MCPH1: variants seen among roughly 807,000 people sequenced by gnomAD.
The protein encoded by MCPH1 is microcephalin 1.
A neutral mutation model predicts 84.5 loss-of-function variants in MCPH1; 104 were observed. The ratio of observed to expected loss-of-function variants is 1.23; its 90% CI spans 1.05 to 1.45. The LOEUF (loss-of-function observed/expected upper bound fraction) is 1.45. Among genes scored for constraint, MCPH1 ranks in the 40% most tolerant of loss-of-function variants. The pLI, the probability that MCPH1 is intolerant of heterozygous loss-of-function variation, is 0.00. For missense variants in MCPH1, 1,498 were observed against 1,005.7 expected, an observed-to-expected ratio of 1.49 and a Z score of -6.62; for synonymous variants, 514 against 366.8, an observed-to-expected ratio of 1.40 and a Z score of -4.58.
At chr8:6,560,607 T>G (rs922185624) in intron 12 of MCPH1, among the ~76,000 whole-genome samples, 2 of 152,176 alleles carry the variant, frequency 1.3e-5, no homozygotes, top group Non-Finnish European at 2.9e-5. Flanking sequence ...AGATAAACAT[T>G]AAGTCATTCT....
At chr8:6,520,189 A>G (rs1452452201) in intron 12 of MCPH1, among the ~76,000 whole-genome samples, 4 of 152,168 alleles carry the variant, frequency 2.6e-5, no homozygotes, top group African/African-American at 7.2e-5. Context: ...ATTAATACTT[A>G]CTTTTTGGTC....
intron 5 of MCPH1, among the ~76,000 whole-genome samples, chr8:6,438,243 A>G (rs1392206383): frequency 6.6e-6 from 1 of 152,250 alleles, no homozygotes; most frequent in East Asian, 1.9e-4. Context: ...ATCGTAATTA[A>G]AAACTATATG....
intron 12 of MCPH1, among the ~76,000 whole-genome samples, chr8:6,530,933 G>A (rs544230348): frequency 6.6e-6 from 1 of 152,276 alleles, no homozygotes; most frequent in Admixed American, 6.5e-5. Flanking sequence ...AGCATTTCTT[G>A]ATCCTTTTTG....
At chr8:6,483,802 A>T (rs1244967618) in intron 11 of MCPH1, among the ~76,000 whole-genome samples, 1 of 152,132 alleles carries the variant, frequency 6.6e-6, no homozygotes, top group African/African-American at 2.4e-5. Context: ...GGAGGTTGCA[A>T]AGAGCCAATA....
chr8:6,632,425 GA>G (rs565710529), intron 13 of MCPH1, among the ~76,000 whole-genome samples: 3 of 150,500 alleles, frequency 2.0e-5, no homozygotes, highest in African/African-American at 2.4e-5. Flanking sequence ...AGTTTTACAG[GA>G]AAAAAAAAGA....
At chr8:6,524,433 G>A (rs979641662) in intron 12 of MCPH1, among the ~76,000 whole-genome samples, 1 of 152,094 alleles carries the variant, frequency 6.6e-6, no homozygotes, top group Non-Finnish European at 1.5e-5. Context: ...ACCTTGAACC[G>A]GCCATTTAAC....
At chr8:6,550,677 C>CT (rs1260178515) in intron 12 of MCPH1, among the ~76,000 whole-genome samples, 1 of 152,182 alleles carries the variant, frequency 6.6e-6, no homozygotes, top group African/African-American at 2.4e-5. Context: ...ATATTGAAAT[C>CT]TTTTTAAAAT....
intron 3 of MCPH1, among the ~76,000 whole-genome samples, chr8:6,424,843 G>T (rs891652111): frequency 6.6e-6 from 1 of 152,188 alleles, no homozygotes; most frequent in Admixed American, 6.5e-5. Flanking sequence ...GTTCTTCCTT[G>T]TGTGTCAGGG....
intron 12 of MCPH1, among the ~76,000 whole-genome samples, chr8:6,608,282 G>A (rs189657810): frequency 7.2e-5 from 11 of 152,358 alleles, no homozygotes; most frequent in African/African-American, 2.6e-4. Context: ...GTGTTGAGGT[G>A]TTCACAGGTG....
At chr8:6,531,977 T>A (rs1819604493) in intron 12 of MCPH1, among the ~76,000 whole-genome samples, 1 of 152,150 alleles carries the variant, frequency 6.6e-6, no homozygotes, top group Admixed American at 6.5e-5. Flanking sequence ...TTCTCAAATG[T>A]TCAAAGACTT....
intron 11 of MCPH1, among the ~76,000 whole-genome samples, chr8:6,483,813 C>T (rs1457980136): frequency 6.6e-6 from 1 of 152,002 alleles, no homozygotes; most frequent in East Asian, 1.9e-4. Flanking sequence ...AGAGCCAATA[C>T]CATGCCACTG....
intron 12 of MCPH1, among the ~76,000 whole-genome samples, chr8:6,529,769 C>T (rs1442344168): frequency 4.6e-5 from 7 of 151,740 alleles, no homozygotes; most frequent in African/African-American, 1.7e-4. Context: ...TCAGCTGGCT[C>T]AGCCATTTTC....
intron 12 of MCPH1, among the ~76,000 whole-genome samples, chr8:6,537,412 G>A (rs1820703353): frequency 6.6e-6 from 1 of 152,066 alleles, no homozygotes; most frequent in South Asian, 2.1e-4. Flanking sequence ...GAGGGCCACA[G>A]TGATCCTTCT....
intron 12 of MCPH1, among the ~76,000 whole-genome samples, chr8:6,512,920 C>T (rs1169866831): frequency 6.6e-6 from 1 of 152,174 alleles, no homozygotes; most frequent in Non-Finnish European, 1.5e-5. Context: ...AACTTGACAA[C>T]TAATCTTGAC....
intron 11 of MCPH1, among the ~76,000 whole-genome samples, chr8:6,498,214 C>G (rs1378513154): frequency 6.6e-6 from 1 of 152,206 alleles, no homozygotes; most frequent in African/African-American, 2.4e-5. Context: ...GCTGAATTCA[C>G]TCTGCCCTTC....
At chr8:6,530,656 A>G (rs1351764694) in intron 12 of MCPH1, among the ~76,000 whole-genome samples, 1 of 151,996 alleles carries the variant, frequency 6.6e-6, no homozygotes, top group Non-Finnish European at 1.5e-5. Context: ...TTAGTACCTT[A>G]TGATCCGTTA....
At position 6,587,509 on chromosome 8, in the gene MCPH1, G is replaced by A. The variant is rs537145802; in HGVS notation, c.2215-33945G>A. On this transcript the variant is annotated intron_variant, in intron 12 of 13. Coordinates refer to ENST00000344683, the MANE Select transcript of MCPH1 (RefSeq NM_024596.5). The stretch of plus-strand genomic sequence containing the variant: ...CTGAAGATATAGAACACTGTTTCTC[G>A]TCTGGTGATTGCTGGACATTGAATT... Among the ~76,000 whole-genome samples the A allele has an allele frequency of 1.6e-4, 25 of 152,284 alleles. 2 individuals are homozygous for A. The South Asian group carries it at 5.0e-3, about 30-fold the overall frequency.
chr8:6,643,141 C>T lies in MCPH1; in HGVS notation c.*92C>T. ...GAAACAAAACTGTGAAGAGAAGGAACTGGCGTATACAAGATGACTTCTGAT... is the reference window on the plus strand; with the variant it reads ...GAAACAAAACTGTGAAGAGAAGGAATTGGCGTATACAAGATGACTTCTGAT... On this transcript the variant is annotated 3_prime_UTR_variant, in exon 14 of 14. Coordinates refer to ENST00000344683, the MANE Select transcript of MCPH1 (RefSeq NM_024596.5). The T allele has an allele frequency of 9.1e-7, 1 of 1,094,690 alleles. No homozygotes were observed. The highest frequency in any genetic ancestry group is 1.4e-6 in the Non-Finnish European group (1 of 720,054). 67.8% of individuals were successfully genotyped at this position (1,094,690 alleles called of 1,614,324 possible).
intron 3 of MCPH1, among the ~76,000 whole-genome samples, chr8:6,426,307 C>A (rs1278937681): frequency 6.6e-6 from 1 of 152,172 alleles, no homozygotes; most frequent in Non-Finnish European, 1.5e-5. Flanking sequence ...ATTTTCATCA[C>A]CCCAAAATCT....
Sources: allele counts gnomAD v4.1 joint callset (sites outside exome capture counted in the v4.1 genomes callset), GRCh38; gene constraint gnomAD v4.1.1; transcripts MANE v1.5; gene names NCBI Gene and HGNC (gene_info 2026-07-23, HGNC 2026-07-21).